The following RBP2 variants were observed in gnomAD, a reference collection of about 807,000 sequenced individuals.
RBP2 encodes the protein retinol binding protein 2.
In RBP2, 17 loss-of-function variants were observed where a neutral mutation model predicts 17.0. That is an observed-to-expected ratio of 1.00 (90% confidence interval 0.68 to 1.50). RBP2 has a LOEUF of 1.50. RBP2 is among the 40% of genes most tolerant of loss of function. RBP2 has a pLI of 0.00. For synonymous variants in RBP2, 48 were observed against 57.1 expected (o/e 0.84, Z 0.72); for missense variants, 158 against 168.2 (o/e 0.94, Z 0.33).
intron 1 of RBP2, among the ~76,000 whole-genome samples, chr3:139,474,436 G>A (rs1933661745): frequency 1.3e-5 from 2 of 152,196 alleles, no homozygotes; most frequent in Non-Finnish European, 2.9e-5. Context: ...AAACTAAACA[G>A]AGCCTAGATT....
At chr3:139,453,523 G>T (rs1943346575) in intron 3 of RBP2, among the ~76,000 whole-genome samples, 1 of 152,220 alleles carries the variant, frequency 6.6e-6, no homozygotes, top group South Asian at 2.1e-4. Context: ...GAAGGTAGGG[G>T]CCTGAAAAGA....
At chr3:139,461,799 G>A (rs1000771428) in intron 2 of RBP2, among the ~76,000 whole-genome samples, 11 of 152,194 alleles carry the variant, frequency 7.2e-5, no homozygotes, top group African/African-American at 2.4e-4. Context: ...CTCCCCAGCA[G>A]GTGCAGGTGC....
rs111417242 is a variant in RBP2 at position 139,459,400 on chromosome 3, A to ATATGTGTGTGTGTG, written c.252+2711_252+2712insCACACACACACATA. On this transcript the variant is annotated intron_variant, in intron 2 of 3. Transcript: ENST00000232217. ...GTGAAACCCTGTTTCTACTATATAT[A>ATATGTGTGTGTGTG]TGTGTGTGTGTGTGTGTGTGTGTGT... Among the ~76,000 whole-genome samples, 464 of 128,546 alleles carry ATATGTGTGTGTGTG rather than the reference A, an allele frequency of 3.6e-3. 2 individuals carry two copies. The highest frequency in any genetic ancestry group is 0.01 in the African/African-American group (343 of 34,050). 84.3% of individuals were successfully genotyped at this position (128,546 alleles called of 152,430 possible). A position where few individuals can be genotyped will look rare whatever the true frequency, so the allele number is the denominator to read the frequency against.
chr3:139,453,278 G>T, intron 3 of RBP2, 112 bp from the exon 4 acceptor site: 1 of 1,193,384 alleles, frequency 8.4e-7, no homozygotes, highest in Non-Finnish European at 1.2e-6. Flanking sequence ...GGACACTTAG[G>T]TATTCTGGGC....
rs746383311 is a variant in RBP2 at position 139,454,745 on chromosome 3, C to T, written c.338G>A (p.Gly113Glu). 1.3e-5 allele frequency: 21 copies of T among 1,614,160 alleles called. No individual in the cohort carries two copies. In the East Asian group the frequency reaches 2.7e-4, roughly 21 times the overall value. Residue 113 changes from glycine to glutamate, a missense_variant, in exon 3 of 4, where the codon GGG (glycine) becomes GAG (glutamate). Gly to Glu is a moderately conservative substitution (Grantham distance 98). Transcript: ENST00000232217. ...AGTACTTACCAGGTACAGCTTGTCC[C>T]CCTCAATCCACTGCTTCCAGCCGCG... Reference protein sequence around the residue: ...ENRGWKQWIEGDKLYLELTCG... With the variant: ...ENRGWKQWIEEDKLYLELTCG...
chr3:139,475,925 T>G (rs1179278037), intron 1 of RBP2, among the ~76,000 whole-genome samples: 1 of 152,184 alleles, frequency 6.6e-6, no homozygotes, highest in East Asian at 1.9e-4. Context: ...AGCTTGATTT[T>G]CCCTAGGCTG....
intron 2 of RBP2, 95 bp downstream of exon 2, chr3:139,462,017 A>T: frequency 7.4e-7 from 1 of 1,348,956 alleles, no homozygotes; most frequent in Non-Finnish European, 1.0e-6. Flanking sequence ...GATTTTTCCC[A>T]GGTTGTTTCT....
At position 139,459,984 on chromosome 3, in the gene RBP2, A is replaced by G. The variant is rs185339227; in HGVS notation, c.252+2128T>C. Among the ~76,000 whole-genome samples the G allele has an allele frequency of 1.4e-3, 219 of 152,248 alleles. 1 individual carries two copies. The highest frequency in any genetic ancestry group is 2.8e-3 in the Non-Finnish European group (190 of 68,016). On this transcript the variant is annotated intron_variant, in intron 2 of 3. Transcript: ENST00000232217. ...AATGGAACACGGAGAGACAGAAGAAAGGTAGGAGTGTGTTAACACGTGGAA... is the reference window on the plus strand; with the variant it reads ...AATGGAACACGGAGAGACAGAAGAAGGGTAGGAGTGTGTTAACACGTGGAA...
chr3:139,453,033 C>T lies in RBP2; in HGVS notation c.*83G>A, dbSNP rs988991320. 2 of 1,519,020 alleles carry T rather than the reference C, an allele frequency of 1.3e-6. No individual in the cohort carries two copies. 94.1% of individuals were successfully genotyped at this position (1,519,020 alleles called of 1,614,324 possible). A position where few individuals can be genotyped will look rare whatever the true frequency, so the allele number is the denominator to read the frequency against. Reference sequence around the variant, plus strand: ...GGGGCTCTGTCAAGAGTGGGAAGGTCCCCACAGCTGTTTCTCAAAGCCAGT... The same window carrying T: ...GGGGCTCTGTCAAGAGTGGGAAGGTTCCCACAGCTGTTTCTCAAAGCCAGT... On this transcript the variant is annotated 3_prime_UTR_variant, in exon 4 of 4. Transcript: ENST00000232217.
At chr3:139,457,532 C>T (rs993690163) in intron 2 of RBP2, among the ~76,000 whole-genome samples, 2 of 152,170 alleles carry the variant, frequency 1.3e-5, no homozygotes, top group Admixed American at 6.5e-5. Flanking sequence ...AAAAGTTGTT[C>T]TGACCCTAAA....
intron 1 of RBP2, among the ~76,000 whole-genome samples, chr3:139,474,742 T>C (rs1576429697): frequency 6.6e-6 from 1 of 152,234 alleles, no homozygotes; most frequent in Admixed American, 6.5e-5. Context: ...CCCTGGACTC[T>C]AGTCCGAGCT....
chr3:139,462,392 T>A, intron 1 of RBP2, 102 bp from the exon 2 acceptor site: 1 of 1,208,252 alleles, frequency 8.3e-7, no homozygotes, highest in Non-Finnish European at 1.2e-6. Flanking sequence ...AGATTGTGTG[T>A]AGGCCACCTG....
chr3:139,453,522 G>A (rs1943346531), intron 3 of RBP2, among the ~76,000 whole-genome samples: 5 of 152,166 alleles, frequency 3.3e-5, no homozygotes, highest in Admixed American at 3.3e-4. Context: ...GGAAGGTAGG[G>A]GCCTGAAAAG....
chr3:139,454,705 A>G (rs1401216714), intron 3 of RBP2, 24 bp downstream of exon 3: 18 of 1,608,488 alleles, frequency 1.1e-5, no homozygotes, highest in Non-Finnish European at 1.5e-5. Flanking sequence ...AATGGAAGTG[A>G]GCTGAGCAGA....
At chr3:139,462,507 G>C (rs372648385) in intron 1 of RBP2, among the ~76,000 whole-genome samples, 92 of 146,452 alleles carry the variant, frequency 6.3e-4, no homozygotes, top group African/African-American at 2.3e-3. Context: ...CAGGATCCCT[G>C]ATGGGAGGGA....
intron 1 of RBP2, among the ~76,000 whole-genome samples, chr3:139,472,471 C>T (rs1030757943): frequency 3.9e-5 from 6 of 152,170 alleles, no homozygotes; most frequent in Non-Finnish European, 7.3e-5. Context: ...GCTTCTGAAG[C>T]TGGGTCATAA....
chr3:139,474,478 A>C (rs1404408732), intron 1 of RBP2, among the ~76,000 whole-genome samples: 1 of 152,222 alleles, frequency 6.6e-6, no homozygotes, highest in Non-Finnish European at 1.5e-5. Context: ...ACTTTTTGTT[A>C]CTGAAGCATA....
chr3:139,473,319 G>A (rs1933624330), intron 1 of RBP2, among the ~76,000 whole-genome samples: 1 of 152,212 alleles, frequency 6.6e-6, no homozygotes, highest in Non-Finnish European at 1.5e-5. Context: ...GCTGAGTCAT[G>A]ATGGGAGGCC....
At chr3:139,457,345 T>C (rs2107866976) in intron 2 of RBP2, among the ~76,000 whole-genome samples, 1 of 152,346 alleles carries the variant, frequency 6.6e-6, no homozygotes, top group Non-Finnish European at 1.5e-5. Context: ...TTGCAATGCC[T>C]GAAGGCAGGA....
Sources: gnomAD v4.1 joint callset for allele counts (sites outside exome capture counted in the v4.1 genomes callset) on GRCh38, gnomAD v4.1.1 for gene constraint, MANE v1.5 for transcripts, NCBI Gene and HGNC (gene_info 2026-07-23, HGNC 2026-07-21) for gene names.